The following PDGFC variants were observed in gnomAD, a reference collection of about 807,000 sequenced individuals.
The protein encoded by PDGFC is platelet-derived growth factor C.
In PDGFC, 12 loss-of-function variants were observed where a neutral mutation model predicts 35.5. The ratio of observed to expected loss-of-function variants is 0.34; its 90% CI spans 0.22 to 0.55. PDGFC has a LOEUF of 0.55. Among genes scored for constraint, PDGFC ranks in the 20% least tolerant of loss-of-function variants. PDGFC has a pLI of 0.91. For synonymous variants in PDGFC, 159 were observed against 148.8 expected, an observed-to-expected ratio of 1.07 and a Z score of -0.50; for missense variants, 322 against 412.4, an observed-to-expected ratio of 0.78 and a Z score of 1.90.
At chr4:156,777,886 T>C (rs1579002291) in intron 3 of PDGFC, among the ~76,000 whole-genome samples, 1 of 152,172 alleles carries the variant, frequency 6.6e-6, no homozygotes, top group East Asian at 1.9e-4. Context: ...GTGGATCACT[T>C]GAGGTTTAGA....
intron 1 of PDGFC, among the ~76,000 whole-genome samples, chr4:156,895,420 G>A (rs1345579933): frequency 3.3e-5 from 5 of 152,028 alleles, no homozygotes; most frequent in Admixed American, 2.0e-4. Flanking sequence ...AAATCACTAG[G>A]TCAGGAGTTC....
At chr4:156,914,277 T>C (rs1396819437) in intron 1 of PDGFC, among the ~76,000 whole-genome samples, 1 of 152,074 alleles carries the variant, frequency 6.6e-6, no homozygotes, top group African/African-American at 2.4e-5. Context: ...CCAAGTGTGC[T>C]TCTATCTGCT....
In PDGFC at chr4:156,967,027, T is replaced by C. The variant is rs564327133; in HGVS notation, c.118+3759A>G. 5.8e-4 allele frequency among the ~76,000 whole-genome samples: 51 copies of C among 88,386 alleles called. No individual in the cohort carries two copies. In the East Asian group the frequency reaches 1.0e-2, roughly 17 times the overall value. The allele number at this position is 88,386 out of a possible 152,430, so 58.0% of individuals were successfully genotyped here. On this transcript the variant is annotated intron_variant, in intron 1 of 5. Coordinates refer to ENST00000502773, the MANE Select transcript of PDGFC (RefSeq NM_016205.3). ...CAGAGAACCAGGAGGAAGTTTTTTC[T>C]TTTTTTTTTTTTTTGTAAAAAAGCC... is the stretch of plus-strand genomic sequence containing the variant.
chr4:156,895,370 C>G, intron 1 of PDGFC, among the ~76,000 whole-genome samples: 1 of 152,126 alleles, frequency 6.6e-6, no homozygotes, highest in Admixed American at 6.5e-5. Context: ...AGCAGTGGCT[C>G]ATACCTGTAA....
At chr4:156,928,130 T>G (rs952122736) in intron 1 of PDGFC, among the ~76,000 whole-genome samples, 2 of 152,124 alleles carry the variant, frequency 1.3e-5, no homozygotes, top group Non-Finnish European at 2.9e-5. Context: ...TGATTTAAAT[T>G]ATTTCCCACC....
intron 1 of PDGFC, among the ~76,000 whole-genome samples, chr4:156,873,230 A>G (rs1730028990): frequency 6.6e-6 from 1 of 152,194 alleles, no homozygotes. Flanking sequence ...CACTTGCAAG[A>G]CTAGTGTTTT....
intron 3 of PDGFC, among the ~76,000 whole-genome samples, chr4:156,781,882 T>G (rs1184292811): frequency 6.6e-6 from 1 of 152,194 alleles, no homozygotes; most frequent in Non-Finnish European, 1.5e-5. Flanking sequence ...TATTTAGGGA[T>G]TATCATACAC....
At chr4:156,949,464 T>C (rs1205544294) in intron 1 of PDGFC, among the ~76,000 whole-genome samples, 2 of 151,864 alleles carry the variant, frequency 1.3e-5, no homozygotes, top group Non-Finnish European at 2.9e-5. Flanking sequence ...TTTCTCTCTC[T>C]CTCTCTTGCT....
intron 1 of PDGFC, among the ~76,000 whole-genome samples, chr4:156,941,337 A>G (rs1038637155): frequency 6.6e-6 from 1 of 152,192 alleles, no homozygotes; most frequent in African/African-American, 2.4e-5. Flanking sequence ...ATTGAAAATG[A>G]AATATCCTCT....
chr4:156,952,127 A>C (rs1732098662), intron 1 of PDGFC, among the ~76,000 whole-genome samples: 1 of 151,834 alleles, frequency 6.6e-6, no homozygotes, highest in Admixed American at 6.6e-5. Context: ...GGATTTTAAA[A>C]TACTAGTGTT....
At chr4:156,852,204 T>C (rs1353937327) in intron 1 of PDGFC, among the ~76,000 whole-genome samples, 1 of 151,640 alleles carries the variant, frequency 6.6e-6, no homozygotes, top group Non-Finnish European at 1.5e-5. Flanking sequence ...ATTCATAATT[T>C]GGAGATATGC....
intron 3 of PDGFC, among the ~76,000 whole-genome samples, chr4:156,789,565 AGCT>A (rs1234116785): frequency 6.6e-6 from 1 of 152,214 alleles, no homozygotes; most frequent in Non-Finnish European, 1.5e-5. Context: ...CTCATCATCT[AGCT>A]GCTTTTATTG....
At chr4:156,925,527 G>A (rs1170683927) in intron 1 of PDGFC, among the ~76,000 whole-genome samples, 1 of 152,000 alleles carries the variant, frequency 6.6e-6, no homozygotes, top group Non-Finnish European at 1.5e-5. Context: ...CAGAAGAATA[G>A]GGGAAAAGCA....
chr4:156,892,557 G>T (rs148763890), intron 1 of PDGFC, among the ~76,000 whole-genome samples: 1 of 152,042 alleles, frequency 6.6e-6, no homozygotes, highest in East Asian at 1.9e-4. Context: ...GATGAATGGT[G>T]AAATGGAAAT....
At chr4:156,886,097 A>C (rs1228709635) in intron 1 of PDGFC, among the ~76,000 whole-genome samples, 1 of 152,216 alleles carries the variant, frequency 6.6e-6, no homozygotes, top group Non-Finnish European at 1.5e-5. Flanking sequence ...AAAATATAAA[A>C]GGCTTAGCAG....
intron 3 of PDGFC, among the ~76,000 whole-genome samples, chr4:156,791,073 T>C (rs989672749): frequency 6.6e-6 from 1 of 152,182 alleles, no homozygotes; most frequent in African/African-American, 2.4e-5. Flanking sequence ...TTCAGGAATT[T>C]GGTTTACCAC....
chr4:156,888,160 G>A (rs1730420279), intron 1 of PDGFC, among the ~76,000 whole-genome samples: 1 of 152,138 alleles, frequency 6.6e-6, no homozygotes, highest in Non-Finnish European at 1.5e-5. Context: ...CGTAGTACTT[G>A]TTTTTACAAC....
At chr4:156,892,076 T>C (rs1345775777) in intron 1 of PDGFC, among the ~76,000 whole-genome samples, 1 of 152,148 alleles carries the variant, frequency 6.6e-6, no homozygotes, top group Non-Finnish European at 1.5e-5. Flanking sequence ...GCTCTAAACA[T>C]AGTCCTGACT....
At chr4:156,865,676 A>G (rs1729823581) in intron 1 of PDGFC, among the ~76,000 whole-genome samples, 1 of 152,166 alleles carries the variant, frequency 6.6e-6, no homozygotes, top group South Asian at 2.1e-4. Context: ...GAGGAGAAAA[A>G]AGTAATAAAA....
Sources: allele counts gnomAD v4.1 joint callset (sites outside exome capture counted in the v4.1 genomes callset), GRCh38; gene constraint gnomAD v4.1.1; transcripts MANE v1.5; gene names NCBI Gene and HGNC (gene_info 2026-07-23, HGNC 2026-07-21).